The following ITCH variants were observed in gnomAD, a reference collection of about 807,000 sequenced individuals.
The protein encoded by ITCH is E3 ubiquitin-protein ligase Itchy homolog.
A neutral mutation model predicts 126.8 loss-of-function variants in ITCH; 28 were observed. The ratio of observed to expected loss-of-function variants is 0.22; its 90% CI spans 0.16 to 0.30. The LOEUF is 0.30. Ranked by LOEUF, ITCH falls within the 10% of genes least tolerant of loss-of-function variation. The pLI is 1.00. For synonymous variants in ITCH, 342 were observed against 340.0 expected (o/e 1.01, Z -0.06); for missense variants, 631 against 1,032.4 (o/e 0.61, Z 5.33).
intron 19 of ITCH, 151 bp downstream of exon 19, chr20:34,480,883 T>C: frequency 1.0e-6 from 1 of 994,408 alleles, no homozygotes; most frequent in Non-Finnish European, 1.5e-6. Context: ...ATATGATAAA[T>C]TTTACAAAAA....
At chr20:34,389,457 A>G (rs1395152642) in intron 2 of ITCH, among the ~76,000 whole-genome samples, 1 of 152,182 alleles carries the variant, frequency 6.6e-6, no homozygotes, top group Non-Finnish European at 1.5e-5. Flanking sequence ...TGCAGTAAGA[A>G]TATGCAGATT....
intron 6 of ITCH, among the ~76,000 whole-genome samples, chr20:34,422,943 C>T (rs1269716868): frequency 3.9e-5 from 6 of 152,156 alleles, no homozygotes; most frequent in South Asian, 2.1e-4. Context: ...TACAGGCGCC[C>T]GCCACCACAC....
At chr20:34,364,983 T>C (rs1000765680) in intron 1 of ITCH, among the ~76,000 whole-genome samples, 1 of 150,850 alleles carries the variant, frequency 6.6e-6, no homozygotes, top group Non-Finnish European at 1.5e-5. Context: ...GCGGATTACG[T>C]GAGCCCAGGA....
At chr20:34,461,782 T>C (rs1274466717) in intron 13 of ITCH, among the ~76,000 whole-genome samples, 1 of 135,186 alleles carries the variant, frequency 7.4e-6, no homozygotes, top group African/African-American at 2.8e-5. Flanking sequence ...GGATTGGAAA[T>C]AGAGATGAAC....
At chr20:34,397,030 T>G (rs987750928) in intron 3 of ITCH, among the ~76,000 whole-genome samples, 4 of 152,002 alleles carry the variant, frequency 2.6e-5, no homozygotes, top group Non-Finnish European at 5.9e-5. Context: ...TTTTGTTTTT[T>G]TTTGTTTGTT....
At chr20:34,460,383 C>T (rs930070400) in intron 13 of ITCH, among the ~76,000 whole-genome samples, 1 of 137,246 alleles carries the variant, frequency 7.3e-6, no homozygotes, top group South Asian at 2.3e-4. Flanking sequence ...TGGGTAGAGA[C>T]GGTGTCTCTA....
intron 6 of ITCH, among the ~76,000 whole-genome samples, chr20:34,417,968 T>A (rs1980176215): frequency 7.3e-6 from 1 of 136,598 alleles, no homozygotes; most frequent in Non-Finnish European, 1.6e-5. Context: ...TACTTTCAAC[T>A]TTTTTTTTTT....
chr20:34,445,265 T>TTG (rs774996268), intron 10 of ITCH, 22 bp from the exon 11 acceptor site: 28 of 1,592,966 alleles, frequency 1.8e-5, no homozygotes, highest in Non-Finnish European at 8.5e-7. Flanking sequence ...AGCTTGTTTT[T>TTG]TTTTTTTTTT....
At chr20:34,487,319 A>G (rs1037580956) in intron 20 of ITCH, among the ~76,000 whole-genome samples, 24 of 151,968 alleles carry the variant, frequency 1.6e-4, no homozygotes, top group African/African-American at 5.6e-4. Context: ...GCCAGGTCTT[A>G]TTTTTATCCT....
intron 2 of ITCH, among the ~76,000 whole-genome samples, chr20:34,380,718 T>C (rs2038028066): frequency 6.6e-6 from 1 of 150,828 alleles, no homozygotes; most frequent in Non-Finnish European, 1.5e-5. Flanking sequence ...CCTAAGGTGC[T>C]ATGATTACAG....
intron 2 of ITCH, among the ~76,000 whole-genome samples, chr20:34,372,384 C>CTT (rs779017298): frequency 1.5e-4 from 14 of 93,152 alleles, no homozygotes; most frequent in African/African-American, 9.3e-5. Context: ...TTAAGTTCTA[C>CTT]TTTTTTTTTT....
rs1459485282 is a variant in ITCH at position 34,457,995 on chromosome 20, G to A, written c.1295+521G>A. 2.0e-5 allele frequency among the ~76,000 whole-genome samples: 3 copies of A among 152,222 alleles called. No individual in the cohort carries two copies. In the East Asian group the frequency reaches 5.8e-4, roughly 29 times the overall value. On this transcript the variant is annotated intron_variant, in intron 13 of 24. Coordinates refer to ENST00000374864, the MANE Select transcript of ITCH (RefSeq NM_031483.7). ...AAGCAAAAAAAATTATCTGGCACATGAGAATATACTTATTAACATATATAT... is the reference window on the plus strand; with the variant it reads ...AAGCAAAAAAAATTATCTGGCACATAAGAATATACTTATTAACATATATAT...
intron 18 of ITCH, 103 bp from the exon 19 acceptor site, chr20:34,480,496 C>A: frequency 1.4e-6 from 2 of 1,406,588 alleles, no homozygotes; most frequent in Non-Finnish European, 2.0e-6. Flanking sequence ...GCCACCATGC[C>A]TGACCCAGGG....
Position 34,409,139 on chromosome 20 carries a change from T to TCC in ITCH, c.212+358_212+359dup, listed in dbSNP as rs55788421. 1.1e-3 allele frequency among the ~76,000 whole-genome samples: 95 copies of TCC among 82,738 alleles called. 1 individual carries two copies. The highest frequency in any genetic ancestry group is 5.1e-3 in the African/African-American group (90 of 17,754). The allele number at this position is 82,738 out of a possible 152,430, so 54.3% of individuals were successfully genotyped here. A position where few individuals can be genotyped will look rare whatever the true frequency, so the allele number is the denominator to read the frequency against. ...GGTTGAATTAAGGGATTATGAGTAC[T>TCC]CCCCCCCCCCCCGGTTTTTAACTTA... On this transcript the variant is annotated intron_variant, in intron 4 of 24. Transcript: ENST00000374864.
intron 7 of ITCH, among the ~76,000 whole-genome samples, chr20:34,431,624 A>C (rs189421851): frequency 1.9e-4 from 29 of 152,330 alleles, no homozygotes; most frequent in Admixed American, 1.8e-3. Flanking sequence ...GAACACAATC[A>C]TAGAGACCTA....
At chr20:34,498,277 C>T (rs763531957) in intron 23 of ITCH, among the ~76,000 whole-genome samples, 5 of 152,100 alleles carry the variant, frequency 3.3e-5, no homozygotes, top group Admixed American at 6.6e-5. Flanking sequence ...ATGTTGTCTG[C>T]GAACAGGTAT....
At chr20:34,488,451 G>A (rs1008210862) in intron 20 of ITCH, among the ~76,000 whole-genome samples, 6 of 151,936 alleles carry the variant, frequency 3.9e-5, no homozygotes, top group Admixed American at 3.3e-4. Flanking sequence ...GTGGTGGTTC[G>A]TGCCTGTAAT....
chr20:34,403,724 A>C (rs1449613643), intron 3 of ITCH, among the ~76,000 whole-genome samples: 1 of 152,158 alleles, frequency 6.6e-6, no homozygotes, highest in Non-Finnish European at 1.5e-5. Flanking sequence ...AAATAATTTA[A>C]CTTCTTAGGA....
chr20:34,451,238 C>T (rs1416029147), intron 12 of ITCH, among the ~76,000 whole-genome samples: 1 of 148,702 alleles, frequency 6.7e-6, no homozygotes, highest in Admixed American at 6.8e-5. Flanking sequence ...TGCAGTGAGC[C>T]AAGATCGCGC....
Sources: allele counts gnomAD v4.1 joint callset (sites outside exome capture counted in the v4.1 genomes callset), GRCh38; gene constraint gnomAD v4.1.1; transcripts MANE v1.5; gene names NCBI Gene and HGNC (gene_info 2026-07-23, HGNC 2026-07-21).